CLCA2: variants seen among roughly 807,000 people sequenced by gnomAD.
CLCA2 encodes the protein chloride channel accessory 2.
CLCA2 carries 85 observed loss-of-function variants against 82.9 expected under a neutral mutation model. That is an observed-to-expected ratio of 1.03 (90% confidence interval 0.86 to 1.23). The LOEUF (loss-of-function observed/expected upper bound fraction) is 1.23, where lower values mean the gene tolerates loss of function less well. CLCA2 is among the 50% of genes most tolerant of loss of function. CLCA2 has a pLI of 0.00. For synonymous variants in CLCA2, 421 were observed against 391.7 expected (o/e 1.07, Z -0.88); for missense variants, 1,089 against 1,124.8 (o/e 0.97, Z 0.45).
intron 3 of CLCA2, among the ~76,000 whole-genome samples, chr1:86,428,928 G>T (rs935102143): frequency 1.2e-4 from 19 of 152,176 alleles, no homozygotes; most frequent in African/African-American, 3.6e-4. Context: ...AACTGTGGCA[G>T]CAGAAAAATT....
chr1:86,428,649 C>A, intron 3 of CLCA2, 81 bp downstream of exon 3: 1 of 1,491,962 alleles, frequency 6.7e-7, no homozygotes, highest in Non-Finnish European at 9.1e-7. Flanking sequence ...GGGACTCACT[C>A]ACAAAACCTG....
At chr1:86,430,712 G>C in intron 3 of CLCA2, 150 bp from the exon 4 acceptor site, 1 of 662,946 alleles carries the variant, frequency 1.5e-6, no homozygotes, top group Non-Finnish European at 2.7e-6. Flanking sequence ...ATAGGATAGG[G>C]GAGAGGAAAA....
In CLCA2 at chr1:86,425,471, G is replaced by T; in HGVS notation, c.319G>T (p.Glu107Ter). 1 of 1,537,354 alleles carries T rather than the reference G, an allele frequency of 6.5e-7. No homozygotes were observed. The highest frequency in any genetic ancestry group is 1.3e-5 in the South Asian group (1 of 77,966). Residue 107 changes from glutamate to a stop codon, truncating the protein, a stop_gained, in exon 2 of 14, where the codon GAA (glutamate) becomes TAA (stop). Transcript: ENST00000370565. LOFTEE classifies it high-confidence loss of function. ...CAGCAAAATAAAACAAGAATCATAT[G>T]AAAAGGTAAGAATCCAGGATTTCAT... is the stretch of plus-strand genomic sequence containing the variant. ...NNSKIKQESYEKANVIVTDWY... is the reference protein window; with the variant it reads ...NNSKIKQESY
At chr1:86,453,800 G>A (rs1303459907) in intron 13 of CLCA2, among the ~76,000 whole-genome samples, 198 bp downstream of exon 13, 5 of 152,096 alleles carry the variant, frequency 3.3e-5, no homozygotes, top group Admixed American at 6.6e-5. Flanking sequence ...GCTAACTCAC[G>A]GATACTAACC....
chr1:86,436,886 T>G (rs1166782454), intron 6 of CLCA2, among the ~76,000 whole-genome samples: 1 of 152,202 alleles, frequency 6.6e-6, no homozygotes, highest in African/African-American at 2.4e-5. Flanking sequence ...GCTAATTTTG[T>G]ATTTTTAGTA....
At chr1:86,427,356 T>C (rs1662407854) in intron 2 of CLCA2, among the ~76,000 whole-genome samples, 1 of 152,150 alleles carries the variant, frequency 6.6e-6, no homozygotes, top group African/African-American at 2.4e-5. Context: ...GCCTTTTTTG[T>C]AGGTACTTCC....
rs1663048252 is a variant in CLCA2, at chr1:86,455,100, T to C, written c.2405T>C (p.Ile802Thr). Reference sequence around the variant, plus strand: ...TTAATTTCAGCTACAAGCTATGAAATAAGAATGAGTAAAAGTCTACAGAAT... The same window carrying C: ...TTAATTTCAGCTACAAGCTATGAAACAAGAATGAGTAAAAGTCTACAGAAT... The part of the protein sequence containing the change: ...FDQGQATSYE[I>T]RMSKSLQNIQ... The change falls in exon 14 of 14, where the codon ATA becomes ACA. Residue 802 changes from isoleucine to threonine, a missense_variant. Ile to Thr is a moderately conservative substitution (Grantham distance 89). Coordinates refer to ENST00000370565, the MANE Select transcript of CLCA2 (RefSeq NM_006536.7). 18 of 1,542,220 alleles carry C rather than the reference T, an allele frequency of 1.2e-5. No individual in the cohort carries two copies. Among genetic ancestry groups the C allele is most frequent in the Non-Finnish European group, 1.5e-5 (17 of 1,141,660 alleles).
At chr1:86,453,104 C>T (rs987360969) in intron 12 of CLCA2, among the ~76,000 whole-genome samples, 2 of 152,038 alleles carry the variant, frequency 1.3e-5, no homozygotes, top group African/African-American at 2.4e-5. Flanking sequence ...ACCTGGGAGG[C>T]GGAGGTTGCA....
At chr1:86,451,628 C>G (rs138106781) in intron 12 of CLCA2, among the ~76,000 whole-genome samples, 66 of 152,242 alleles carry the variant, frequency 4.3e-4, no homozygotes, top group Non-Finnish European at 7.9e-4. Flanking sequence ...CCAGCTCCTC[C>G]TTTTCTACCA....
chr1:86,436,063 T>G (rs1662603953), intron 6 of CLCA2, among the ~76,000 whole-genome samples: 1 of 152,246 alleles, frequency 6.6e-6, no homozygotes, highest in South Asian at 2.1e-4. Context: ...GGATACTTTA[T>G]TGCTACAGTA....
At chr1:86,441,614 G>A (rs1026760206) in intron 9 of CLCA2, 71 bp downstream of exon 9, 37 of 994,834 alleles carry the variant, frequency 3.7e-5, no homozygotes, top group African/African-American at 3.2e-4. Flanking sequence ...GGAAATCAAC[G>A]AATTGTGCTA....
At chr1:86,431,098 A>G (rs1473844004) in intron 4 of CLCA2, 128 bp downstream of exon 4, 1 of 627,162 alleles carries the variant, frequency 1.6e-6, no homozygotes, top group African/African-American at 1.9e-5. Flanking sequence ...AGCTGATAAG[A>G]AAGAGATCCT....
intron 10 of CLCA2, among the ~76,000 whole-genome samples, chr1:86,446,498 T>C (rs1662857267): frequency 1.3e-5 from 2 of 152,186 alleles, no homozygotes; most frequent in Admixed American, 1.3e-4. Context: ...CTCAGAGAAC[T>C]TTTTGATGTG....
intron 10 of CLCA2, among the ~76,000 whole-genome samples, chr1:86,444,613 G>A (rs772381599): frequency 1.3e-5 from 2 of 152,226 alleles, no homozygotes; most frequent in African/African-American, 4.8e-5. Context: ...GAACATGGCT[G>A]TTCATAGAAC....
chr1:86,439,074 A>G lies in CLCA2; in HGVS notation c.1171A>G (p.Ser391Gly), dbSNP rs1662673133. 1.2e-6 allele frequency: 2 copies of G among 1,614,158 alleles called. No individual in the cohort carries two copies. Among genetic ancestry groups the G allele is most frequent in the Non-Finnish European group, 1.7e-6 (2 of 1,179,996 alleles). The change falls in exon 7 of 14, where the codon AGC (serine) becomes GGC (glycine). Residue 391 changes from serine (S) to glycine (G), a missense_variant. Transcript: ENST00000370565. ...PTTVSAKTDI[S>G]ICSGLKKGFE... ...CACTGTATCAGCTAAAACAGACATC[A>G]GCATTTGTTCAGGGCTTAAGAAAGG...
chr1:86,433,764 T>C (rs899720792), intron 5 of CLCA2, among the ~76,000 whole-genome samples: 12 of 152,342 alleles, frequency 7.9e-5, no homozygotes, highest in African/African-American at 2.6e-4. Context: ...TTCTTTTCTA[T>C]GAAGTTAGAG....
chr1:86,444,230 C>G (rs1405746153), intron 10 of CLCA2, among the ~76,000 whole-genome samples: 1 of 152,180 alleles, frequency 6.6e-6, no homozygotes, highest in Non-Finnish European at 1.5e-5. Flanking sequence ...TACTTCAACA[C>G]TGAAAATTAG....
At chr1:86,425,541 C>CACA in intron 2 of CLCA2, 65 bp downstream of exon 2, 1 of 1,307,792 alleles carries the variant, frequency 7.6e-7, no homozygotes, top group Non-Finnish European at 1.0e-6. Flanking sequence ...ATACTGTGCT[C>CACA]AAACGATAAA....
rs1662486162 is a variant in CLCA2 at position 86,430,938 on chromosome 1, C to T, written c.552C>T (p.Tyr184=). Residue 184 remains tyrosine (Y), a synonymous_variant, in exon 4 of 14, where the codon TAC becomes TAT. Coordinates refer to ENST00000370565, the MANE Select transcript of CLCA2 (RefSeq NM_006536.7). ...AGTATAACAATGACAAACCTTTCTA[C>T]ATAAATGGGCAAAATCAAATTAAAG... ...FDEYNNDKPF[Y]INGQNQIKVT... is the part of the protein sequence containing the mutation. The T allele has an allele frequency of 6.2e-7, 1 of 1,612,892 alleles. No homozygotes were observed. Among genetic ancestry groups the T allele is most frequent in the Non-Finnish European group, 8.5e-7 (1 of 1,179,368 alleles).
Sources: allele counts gnomAD v4.1 joint callset (sites outside exome capture counted in the v4.1 genomes callset), GRCh38; gene constraint gnomAD v4.1.1; transcripts MANE v1.5; gene names NCBI Gene and HGNC (gene_info 2026-07-23, HGNC 2026-07-21).